XXYLT1: variants seen among roughly 807,000 people sequenced by gnomAD.
XXYLT1 encodes UDP-xylose:alpha-xyloside alpha-1,3-xylosyltransferase.
XXYLT1 carries 20 observed loss-of-function variants against 28.9 expected under a neutral mutation model. That is an observed-to-expected ratio of 0.69 (90% CI 0.49 to 1.00). XXYLT1 has a LOEUF of 1.00. Among genes scored for constraint, XXYLT1 ranks in the 50% least tolerant of loss-of-function variants. The probability of loss-of-function intolerance (pLI) is 0.00; values close to 1 mark genes in which losing one functional copy is unlikely to be tolerated. For missense variants in XXYLT1, 542 were observed against 560.1 expected, an observed-to-expected ratio of 0.97 and a Z score of 0.33; for synonymous variants, 257 against 253.8, an observed-to-expected ratio of 1.01 and a Z score of -0.12.
intron 3 of XXYLT1, among the ~76,000 whole-genome samples, chr3:195,114,712 T>C (rs1178264162): frequency 1.3e-5 from 2 of 152,254 alleles, no homozygotes; most frequent in African/African-American, 4.8e-5. Context: ...AGCGCGGCTT[T>C]GCCCACATTC....
rs1047060415 is a variant in XXYLT1 at position 195,148,309 on chromosome 3, G to C, written c.785+8140C>G. On this transcript the variant is annotated intron_variant, in intron 3 of 3. Transcript: ENST00000310380. ...TTATAGCACGGCCTCCAGGTCACAC[G>C]GGCTACACAAAAACACTTAGCCCAG... 1.3e-5 allele frequency among the ~76,000 whole-genome samples: 2 copies of C among 152,140 alleles called. 1 individual carries two copies. Among genetic ancestry groups the C allele is most frequent in the Non-Finnish European group, 2.9e-5 (2 of 68,032 alleles).
At chr3:195,154,428 A>G (rs1720449493) in intron 3 of XXYLT1, among the ~76,000 whole-genome samples, 1 of 152,102 alleles carries the variant, frequency 6.6e-6, no homozygotes, top group Admixed American at 6.5e-5. Flanking sequence ...TCACAGAAAC[A>G]AACCATCTGG....
intron 1 of XXYLT1, among the ~76,000 whole-genome samples, chr3:195,251,326 C>G (rs1577198591): frequency 6.6e-6 from 1 of 152,348 alleles, no homozygotes; most frequent in East Asian, 1.9e-4. Context: ...TCATGTGACC[C>G]CATGTGTTTC....
chr3:195,241,474 A>G (rs1289267264), intron 1 of XXYLT1, among the ~76,000 whole-genome samples: 2 of 152,206 alleles, frequency 1.3e-5, no homozygotes, highest in East Asian at 3.9e-4. Flanking sequence ...CTTGTCAGCA[A>G]TTCCAACAAG....
intron 3 of XXYLT1, among the ~76,000 whole-genome samples, chr3:195,112,414 G>GCA (rs1034306002): frequency 4.9e-5 from 7 of 144,316 alleles, no homozygotes; most frequent in East Asian, 3.9e-4. Context: ...GCACGTGCGC[G>GCA]CACACACACA....
Position 195,256,648 on chromosome 3 carries a change from A to T in XXYLT1, c.504+13907T>A, listed in dbSNP as rs1208858877. 1.1e-6 allele frequency: 1 copy of T among 898,506 alleles called. No homozygotes were observed. The highest frequency in any genetic ancestry group is 1.8e-5 in the African/African-American group (1 of 55,434). 55.7% of individuals were successfully genotyped at this position (898,506 alleles called of 1,614,324 possible). A position where few individuals can be genotyped will look rare whatever the true frequency, so the allele number is the denominator to read the frequency against. On this transcript the variant is annotated intron_variant, in intron 1 of 3. Transcript: ENST00000310380. The surrounding 1 kb of genome is among the most constrained non-coding windows in gnomAD (Gnocchi z 4.2). Reference sequence around the variant, plus strand: ...CCAGCACTGTTTATACACGCCTGGAAGAGAACAGACTGTTACTCAGAGCCG... The same window carrying T: ...CCAGCACTGTTTATACACGCCTGGATGAGAACAGACTGTTACTCAGAGCCG...
chr3:195,238,321 C>T (rs1461309642), intron 1 of XXYLT1, among the ~76,000 whole-genome samples: 1 of 152,178 alleles, frequency 6.6e-6, no homozygotes, highest in Non-Finnish European at 1.5e-5. Flanking sequence ...TTCCAATCCT[C>T]CCCTCCAGCC....
Position 195,255,924 on chromosome 3 carries a change from C to T in XXYLT1, c.504+14631G>A, listed in dbSNP as rs938622226. Among the ~76,000 whole-genome samples, 3 of 152,186 alleles carry T rather than the reference C, an allele frequency of 2.0e-5. No individual in the cohort carries two copies. Among genetic ancestry groups the T allele is most frequent in the Admixed American group, 1.3e-4 (2 of 15,280 alleles). On this transcript the variant is annotated intron_variant, in intron 1 of 3. Coordinates refer to ENST00000310380, the MANE Select transcript of XXYLT1 (RefSeq NM_152531.5). This position sits in a 1 kb window ranked among gnomAD's most constrained non-coding sequence, Gnocchi z 4.5. ...GTAAATCCCACCTCCTAGAAAGAGGCTCCCTGCTGTTCTATGGGCAGCTCC... is the reference window on the plus strand; with the variant it reads ...GTAAATCCCACCTCCTAGAAAGAGGTTCCCTGCTGTTCTATGGGCAGCTCC...
chr3:195,096,332 C>G (rs1716441837), intron 3 of XXYLT1, among the ~76,000 whole-genome samples: 2 of 152,170 alleles, frequency 1.3e-5, no homozygotes, highest in African/African-American at 2.4e-5. Context: ...AGACACAGCA[C>G]TCAGAGGCCT....
At chr3:195,082,926 G>A (rs957908781) in intron 3 of XXYLT1, among the ~76,000 whole-genome samples, 1 of 152,146 alleles carries the variant, frequency 6.6e-6, no homozygotes, top group African/African-American at 2.4e-5. Flanking sequence ...GTCACATGTG[G>A]CACAGACATG....
intron 3 of XXYLT1, among the ~76,000 whole-genome samples, chr3:195,142,376 T>C (rs1007665124): frequency 2.0e-5 from 3 of 152,240 alleles, no homozygotes; most frequent in African/African-American, 7.2e-5. Flanking sequence ...TTCAGACTGC[T>C]CACACTTTGG....
In XXYLT1 at chr3:195,109,936, G is replaced by C. The variant is rs543854025; in HGVS notation, c.786-39825C>G. Among the ~76,000 whole-genome samples the C allele has an allele frequency of 3.2e-5, 2 of 61,672 alleles. 1 individual carries two copies. The highest frequency in any genetic ancestry group is 6.3e-4 in the East Asian group (2 of 3,168). The allele number at this position is 61,672 out of a possible 152,430, so 40.5% of individuals were successfully genotyped here. ...GTGTGTGGGGGTATATGTGTGTGTG[G>C]TATATGAGTGTGCGTGCATGTGTGT... On this transcript the variant is annotated intron_variant, in intron 3 of 3. Coordinates refer to ENST00000310380, the MANE Select transcript of XXYLT1 (RefSeq NM_152531.5).
rs929260227 is a variant in XXYLT1, at chr3:195,271,099, G to C, written c.-41C>G. 4 of 1,303,174 alleles carry C rather than the reference G, an allele frequency of 3.1e-6. No homozygotes were observed. The highest frequency in any genetic ancestry group is 8.4e-5 in the Admixed American group (2 of 23,848). The allele number at this position is 1,303,174 out of a possible 1,614,324, so 80.7% of individuals were successfully genotyped here. A position where few individuals can be genotyped will look rare whatever the true frequency, so the allele number is the denominator to read the frequency against. ...GGCGCCAGCGGTGCCAGCAACGCGG[G>C]AGAGCCCTCGGGTACCCGGACGCCG... On this transcript the variant is annotated 5_prime_UTR_variant, in exon 1 of 4. Coordinates refer to ENST00000310380, the MANE Select transcript of XXYLT1 (RefSeq NM_152531.5).
intron 2 of XXYLT1, among the ~76,000 whole-genome samples, chr3:195,161,291 G>A (rs1241183168): frequency 1.3e-5 from 2 of 152,172 alleles, no homozygotes; most frequent in African/African-American, 4.8e-5. Context: ...TTACAGATTC[G>A]CCTCGCTCGA....
chr3:195,243,759 CAGTCATA>C (rs1724883533), intron 1 of XXYLT1, among the ~76,000 whole-genome samples: 1 of 152,200 alleles, frequency 6.6e-6, no homozygotes, highest in Non-Finnish European at 1.5e-5. Context: ...GAAAAGGTAA[CAGTCATA>C]ATGGACGTGC....
chr3:195,125,067 C>T lies in XXYLT1; in HGVS notation c.785+31382G>A, dbSNP rs73062325. Among the ~76,000 whole-genome samples, 949 of 152,190 alleles carry T rather than the reference C, an allele frequency of 6.2e-3. 7 individuals are homozygous for T. Among genetic ancestry groups the T allele is most frequent in the Middle Eastern group, 0.031 (9 of 292 alleles). On this transcript the variant is annotated intron_variant, in intron 3 of 3. Coordinates refer to ENST00000310380, the MANE Select transcript of XXYLT1 (RefSeq NM_152531.5). ...AGAGAAAAAAATGAAAGGCTTGATC[C>T]CCGCCCTCAAGAAGCTGATAGAAAA...
At chr3:195,251,403 T>G (rs978617233) in intron 1 of XXYLT1, among the ~76,000 whole-genome samples, 30 of 152,178 alleles carry the variant, frequency 2.0e-4, no homozygotes, top group African/African-American at 7.0e-4. Context: ...CAGGTCCCTA[T>G]AGGAGCCAGC....
At chr3:195,218,110 T>C (rs543737889) in intron 2 of XXYLT1, among the ~76,000 whole-genome samples, 5 of 148,778 alleles carry the variant, frequency 3.4e-5, no homozygotes, top group Admixed American at 1.3e-4. Flanking sequence ...TGGCTAGCCA[T>C]ATGTAGAAAG....
chr3:195,260,272 C>A (rs1342222726), intron 1 of XXYLT1, among the ~76,000 whole-genome samples: 1 of 151,332 alleles, frequency 6.6e-6, no homozygotes, highest in African/African-American at 2.4e-5. Flanking sequence ...GGGGAGGGAC[C>A]GCGCCGCGGA....
Sources: gnomAD v4.1 joint callset for allele counts (sites outside exome capture counted in the v4.1 genomes callset) on GRCh38, gnomAD v4.1.1 for gene constraint, Gnocchi (gnomAD v3.1) non-coding constraint, MANE v1.5 for transcripts, NCBI Gene and HGNC (gene_info 2026-07-23, HGNC 2026-07-21) for gene names.